Variants in CTNNA3 observed in about 807,000 individuals in gnomAD.
CTNNA3 encodes the protein catenin alpha 3.
A neutral mutation model predicts 95.7 loss-of-function variants in CTNNA3; 76 were observed. That is an observed-to-expected ratio of 0.79 (90% CI 0.66 to 0.96). The LOEUF is 0.96. Among genes scored for constraint, CTNNA3 ranks in the 40% least tolerant of loss-of-function variants. The probability of loss-of-function intolerance (pLI) is 0.00; values close to 1 mark genes in which losing one functional copy is unlikely to be tolerated. For synonymous variants in CTNNA3, 431 were observed against 374.4 expected (o/e 1.15, Z -1.74); for missense variants, 1,191 against 1,089.8 (o/e 1.09, Z -1.31).
At chr10:66,663,295 A>G (rs1219533992) in intron 9 of CTNNA3, among the ~76,000 whole-genome samples, 2 of 151,580 alleles carry the variant, frequency 1.3e-5, no homozygotes, top group African/African-American at 4.8e-5. Flanking sequence ...ATGACCATCA[A>G]CTCCCAAACC....
At chr10:66,633,158 A>G (rs1453114794) in intron 9 of CTNNA3, among the ~76,000 whole-genome samples, 4 of 152,214 alleles carry the variant, frequency 2.6e-5, no homozygotes, top group African/African-American at 9.6e-5. Context: ...AATTCAATTT[A>G]ATGGAATCTG....
At chr10:67,560,920 T>C (rs577695049) in intron 3 of CTNNA3, among the ~76,000 whole-genome samples, 1 of 152,256 alleles carries the variant, frequency 6.6e-6, no homozygotes, top group South Asian at 2.1e-4. Context: ...AAGGGATCAA[T>C]TCAACAAGAA....
chr10:66,421,897 G>GATATATATATATATATATATATAT lies in CTNNA3; in HGVS notation c.1532-42546_1532-42545insATATATATATATATATATATATAT, dbSNP rs35513829. 5.2e-3 allele frequency among the ~76,000 whole-genome samples: 564 copies of GATATATATATATATATATATATAT among 107,916 alleles called. 5 individuals carry two copies. Among genetic ancestry groups the GATATATATATATATATATATATAT allele is most frequent in the African/African-American group, 0.017 (476 of 28,514 alleles). 70.8% of individuals were successfully genotyped at this position (107,916 alleles called of 152,430 possible). A position where few individuals can be genotyped will look rare whatever the true frequency, so the allele number is the denominator to read the frequency against. On this transcript the variant is annotated intron_variant, in intron 11 of 17. Coordinates refer to ENST00000433211, the MANE Select transcript of CTNNA3 (RefSeq NM_013266.4). Reference sequence around the variant, plus strand: ...TTTCTAAGAGCTTCATAATAAATGTGATATATATATATATATATACACACA... The same window carrying GATATATATATATATATATATATAT: ...TTTCTAAGAGCTTCATAATAAATGTGATATATATATATATATATATATATATATATATATATATATATACACACA...
At chr10:66,425,791 T>C (rs1328040811) in intron 11 of CTNNA3, among the ~76,000 whole-genome samples, 2 of 152,022 alleles carry the variant, frequency 1.3e-5, no homozygotes, top group African/African-American at 4.8e-5. Context: ...ACAGCTGTAC[T>C]GCTCTATAAA....
chr10:66,129,736 TC>T (rs1293962644), intron 13 of CTNNA3, among the ~76,000 whole-genome samples: 1 of 151,946 alleles, frequency 6.6e-6, no homozygotes, highest in Non-Finnish European at 1.5e-5. Context: ...AGCAGAGTGC[TC>T]CTGCAGAGTG....
At chr10:67,176,054 T>G (rs887915923) in intron 7 of CTNNA3, among the ~76,000 whole-genome samples, 1 of 152,146 alleles carries the variant, frequency 6.6e-6, no homozygotes, top group African/African-American at 2.4e-5. Flanking sequence ...ATCCCTAAGT[T>G]TTAAAAGACA....
chr10:66,438,488 G>A (rs1039854493), intron 11 of CTNNA3, among the ~76,000 whole-genome samples: 1 of 152,122 alleles, frequency 6.6e-6, no homozygotes, highest in East Asian at 1.9e-4. Context: ...AGGTGGCTTT[G>A]TTTACACTGT....
intron 5 of CTNNA3, among the ~76,000 whole-genome samples, chr10:67,292,630 T>C (rs1293561547): frequency 2.6e-5 from 4 of 152,186 alleles, no homozygotes; most frequent in Non-Finnish European, 1.5e-5. Flanking sequence ...AATGAAACCA[T>C]ACTCTAAGGG....
intron 7 of CTNNA3, among the ~76,000 whole-genome samples, chr10:67,109,134 C>A (rs1858794694): frequency 6.6e-6 from 1 of 152,052 alleles, no homozygotes. Context: ...TTGGGCTGTG[C>A]AATTTAAATT....
intron 7 of CTNNA3, among the ~76,000 whole-genome samples, chr10:67,057,112 T>C (rs1855482090): frequency 6.6e-6 from 1 of 152,206 alleles, no homozygotes; most frequent in South Asian, 2.1e-4. Flanking sequence ...AAACATTGTC[T>C]TTCAATTTTG....
chr10:66,786,543 A>C (rs1019068766), intron 7 of CTNNA3, among the ~76,000 whole-genome samples: 1 of 152,216 alleles, frequency 6.6e-6, no homozygotes, highest in Non-Finnish European at 1.5e-5. Context: ...TGATTAGAAG[A>C]GAGGGACTGG....
intron 7 of CTNNA3, among the ~76,000 whole-genome samples, chr10:66,900,778 G>C (rs187817780): frequency 6.6e-6 from 1 of 152,190 alleles, no homozygotes; most frequent in African/African-American, 2.4e-5. Context: ...AGGGATATCA[G>C]TGATTGAAGA....
chr10:67,625,492 G>T (rs1014878949), intron 2 of CTNNA3, among the ~76,000 whole-genome samples: 6 of 152,160 alleles, frequency 3.9e-5, no homozygotes, highest in Non-Finnish European at 7.3e-5. Context: ...AACCTGGAAA[G>T]CTACCTCTGA....
chr10:66,659,721 A>T (rs1352095007), intron 9 of CTNNA3, among the ~76,000 whole-genome samples: 1 of 152,132 alleles, frequency 6.6e-6, no homozygotes, highest in Non-Finnish European at 1.5e-5. Context: ...CTCTTCTGCC[A>T]TGTGAGGACA....
intron 7 of CTNNA3, among the ~76,000 whole-genome samples, chr10:66,990,566 A>C (rs1171053027): frequency 1.3e-5 from 2 of 152,178 alleles, no homozygotes; most frequent in Non-Finnish European, 2.9e-5. Context: ...TCTAATACCC[A>C]CATTTAGCAT....
intron 10 of CTNNA3, among the ~76,000 whole-genome samples, chr10:66,544,196 G>A (rs941076708): frequency 6.6e-6 from 1 of 151,770 alleles, no homozygotes; most frequent in African/African-American, 2.4e-5. Flanking sequence ...ATACAGGATG[G>A]CCAATTTCCC....
chr10:66,099,154 A>G (rs902033873), intron 14 of CTNNA3, among the ~76,000 whole-genome samples: 16 of 152,146 alleles, frequency 1.1e-4, no homozygotes, highest in African/African-American at 3.9e-4. Context: ...AAAGGCATTT[A>G]CTCTTTAGAA....
chr10:66,966,803 A>G (rs973207303), intron 7 of CTNNA3, among the ~76,000 whole-genome samples: 11 of 152,058 alleles, frequency 7.2e-5, no homozygotes, highest in African/African-American at 2.2e-4. Flanking sequence ...AACAACATGA[A>G]TCAGTGTGCT....
intron 1 of CTNNA3, among the ~76,000 whole-genome samples, chr10:67,649,910 G>A (rs1236378833): frequency 6.6e-6 from 1 of 152,150 alleles, no homozygotes; most frequent in Non-Finnish European, 1.5e-5. Context: ...CCTGATCTCG[G>A]CTCACCACAA....
Sources: allele counts gnomAD v4.1 joint callset (sites outside exome capture counted in the v4.1 genomes callset), GRCh38; gene constraint gnomAD v4.1.1; transcripts MANE v1.5; gene names NCBI Gene and HGNC (gene_info 2026-07-23, HGNC 2026-07-21).